The following XRN1 variants were observed in gnomAD, a reference collection of about 807,000 sequenced individuals.
The protein encoded by XRN1 is strand-exchange protein 1 homolog.
XRN1 carries 67 observed loss-of-function variants against 222.3 expected under a neutral mutation model. The ratio of observed to expected loss-of-function variants is 0.30; its 90% CI spans 0.25 to 0.37. The LOEUF (loss-of-function observed/expected upper bound fraction) is 0.37. XRN1 is among the 10% of genes least tolerant of loss of function. The pLI is 1.00. For synonymous variants in XRN1, 643 were observed against 652.4 expected, an observed-to-expected ratio of 0.99 and a Z score of 0.22; for missense variants, 1,707 against 2,000.2, an observed-to-expected ratio of 0.85 and a Z score of 2.80.
chr3:142,432,250 T>A (rs1284520082), intron 2 of XRN1, among the ~76,000 whole-genome samples: 2 of 124,030 alleles, frequency 1.6e-5, no homozygotes, highest in African/African-American at 3.2e-5. Context: ...TAAAATTTAT[T>A]TTATATATAT....
chr3:142,362,619 C>T (rs932157401), intron 29 of XRN1, among the ~76,000 whole-genome samples: 2 of 146,286 alleles, frequency 1.4e-5, no homozygotes, highest in Admixed American at 1.4e-4. Flanking sequence ...CCATCCCTCC[C>T]CTGGCCTTTT....
At chr3:142,413,169 T>TA (rs1290662211) in intron 14 of XRN1, among the ~76,000 whole-genome samples, 1 of 152,094 alleles carries the variant, frequency 6.6e-6, no homozygotes, top group Admixed American at 6.5e-5. Flanking sequence ...CAAAGAGAAA[T>TA]AGTCCAATAA....
chr3:142,364,163 A>G (rs942145048), intron 29 of XRN1, among the ~76,000 whole-genome samples: 1 of 152,248 alleles, frequency 6.6e-6, no homozygotes, highest in Non-Finnish European at 1.5e-5. Context: ...AAAATATGTT[A>G]GTGCCTGGCA....
chr3:142,312,111 C>G (rs902515850), intron 40 of XRN1, among the ~76,000 whole-genome samples: 1 of 151,862 alleles, frequency 6.6e-6, no homozygotes, highest in African/African-American at 2.4e-5. Flanking sequence ...CCCATCTCTA[C>G]AAAAAAATTA....
chr3:142,313,088 T>C (rs1354170632), intron 39 of XRN1: 1 of 1,572,670 alleles, frequency 6.4e-7, no homozygotes, highest in Non-Finnish European at 8.6e-7. Context: ...AATTGTCCCT[T>C]GTGAGAGAAA....
At chr3:142,348,937 G>C (rs1008952262) in intron 32 of XRN1, among the ~76,000 whole-genome samples, 2 of 152,020 alleles carry the variant, frequency 1.3e-5, no homozygotes, top group African/African-American at 4.8e-5. Context: ...ACTGTGCCCA[G>C]CCCAAGGCTC....
At chr3:142,334,031 A>C (rs1480146310) in intron 34 of XRN1, among the ~76,000 whole-genome samples, 1 of 152,114 alleles carries the variant, frequency 6.6e-6, no homozygotes, top group African/African-American at 2.4e-5. Flanking sequence ...AACTATGAAA[A>C]CCACAACAGT....
At chr3:142,380,612 C>T (rs539431001) in intron 22 of XRN1, among the ~76,000 whole-genome samples, 2 of 152,060 alleles carry the variant, frequency 1.3e-5, no homozygotes, top group East Asian at 3.9e-4. Context: ...CCTTGGTCTC[C>T]CCAAAGTGGT....
chr3:142,311,740 A>G lies in XRN1; in HGVS notation c.4856T>C (p.Val1619Ala). Residue 1619 changes from valine (V) to alanine (A), a missense_variant, in exon 41 of 41, where the codon GTT becomes GCT. This residue lies in a region of XRN1 where 473 missense variants were observed against 482.0 expected (regional missense o/e 0.98). Coordinates refer to ENST00000392981, the MANE Select transcript of XRN1 (RefSeq NM_001282857.2). ...KEAQSSQATP[V>A]QTSQPDSSNI... The stretch of plus-strand genomic sequence containing the variant: ...GGAAGAATCTGGCTGGCTAGTCTGA[A>G]CTGGAGTGGCTTGAGAACTCTGGGC... 6.2e-7 allele frequency: 1 copy of G among 1,614,082 alleles called. No individual in the cohort carries two copies.
chr3:142,324,144 G>A (rs1036149639), intron 37 of XRN1, among the ~76,000 whole-genome samples: 4 of 150,128 alleles, frequency 2.7e-5, no homozygotes, highest in South Asian at 4.2e-4. Context: ...TGTGCACAAC[G>A]TGCAGGTTTG....
At chr3:142,420,822 G>A (rs1349536904) in intron 10 of XRN1, among the ~76,000 whole-genome samples, 194 bp downstream of exon 10, 1 of 151,890 alleles carries the variant, frequency 6.6e-6, no homozygotes, top group Non-Finnish European at 1.5e-5. Flanking sequence ...ATAAGGAACT[G>A]ATTATTGAAG....
chr3:142,391,890 T>C (rs1577350891), intron 20 of XRN1, among the ~76,000 whole-genome samples: 1 of 152,062 alleles, frequency 6.6e-6, no homozygotes, highest in Middle Eastern at 3.4e-3. Context: ...ATTTTGATTC[T>C]ATTTTTGCAT....
intron 3 of XRN1, among the ~76,000 whole-genome samples, chr3:142,426,073 T>C (rs2069234458): frequency 6.6e-6 from 1 of 152,018 alleles, no homozygotes; most frequent in Non-Finnish European, 1.5e-5. Flanking sequence ...AAAACCACAA[T>C]CAGGATAAAA....
At chr3:142,441,512 A>T (rs2070213575) in intron 1 of XRN1, among the ~76,000 whole-genome samples, 1 of 152,234 alleles carries the variant, frequency 6.6e-6, no homozygotes, top group African/African-American at 2.4e-5. Flanking sequence ...GGCATACCTG[A>T]GTAAGAAAAC....
At chr3:142,431,855 A>G (rs1424828360) in intron 2 of XRN1, among the ~76,000 whole-genome samples, 3 of 37,636 alleles carry the variant, frequency 8.0e-5, no homozygotes, top group Admixed American at 3.7e-4. Flanking sequence ...AAATATATAT[A>G]TTATATATAA....
chr3:142,313,022 T>C (rs1442330301), intron 39 of XRN1: 2 of 1,236,944 alleles, frequency 1.6e-6, no homozygotes, highest in East Asian at 2.4e-5. Flanking sequence ...CATATGCTGA[T>C]ACAAGTTTTA....
chr3:142,321,740 C>G (rs917246280), intron 37 of XRN1, among the ~76,000 whole-genome samples: 2 of 152,084 alleles, frequency 1.3e-5, no homozygotes, highest in Non-Finnish European at 2.9e-5. Flanking sequence ...AGTTTTGATA[C>G]TATCATAGTT....
At chr3:142,324,724 T>C (rs2065467131) in intron 37 of XRN1, among the ~76,000 whole-genome samples, 1 of 151,854 alleles carries the variant, frequency 6.6e-6, no homozygotes, top group Admixed American at 6.6e-5. Flanking sequence ...AGTGTAAAAG[T>C]GTTCCTATTT....
In XRN1 at chr3:142,425,255, G is replaced by A; in HGVS notation, c.594C>T (p.Thr198=). ...CATCTAAACCATAAAGACAGTGTCTGGTGTTTGGATCATGATCTGGCTTTG... is the reference window on the plus strand; with the variant it reads ...CATCTAAACCATAAAGACAGTGTCTAGTGTTTGGATCATGATCTGGCTTTG... The part of the protein sequence containing the change: ...EKAKPDHDPN[T]RHCLYGLDAD... The change falls in exon 5 of 41, where the codon ACC becomes ACT. Residue 198 remains threonine, a synonymous_variant. Transcript: ENST00000392981. 1 of 1,604,168 alleles carries A rather than the reference G, an allele frequency of 6.2e-7. No individual in the cohort carries two copies. The highest frequency in any genetic ancestry group is 1.1e-5 in the South Asian group (1 of 88,672).
Sources: gnomAD v4.1 joint callset for allele counts (sites outside exome capture counted in the v4.1 genomes callset) on GRCh38, gnomAD v4.1.1 for gene constraint, gnomAD v4.1.1 regional missense constraint, MANE v1.5 for transcripts, NCBI Gene and HGNC (gene_info 2026-07-23, HGNC 2026-07-21) for gene names.